NIBAN1: variants seen among roughly 807,000 people sequenced by gnomAD.
NIBAN1 encodes protein Niban 1.
Under a neutral mutation model 75.1 loss-of-function variants are expected in NIBAN1, and 81 were observed. The observed-to-expected ratio is 1.08, with a 90% CI of 0.90 to 1.30. NIBAN1 has a LOEUF of 1.30. NIBAN1 is among the 50% of genes most tolerant of loss of function. The pLI is 0.00. For synonymous variants in NIBAN1, 436 were observed against 424.8 expected, an observed-to-expected ratio of 1.03 and a Z score of -0.32; for missense variants, 1,133 against 1,128.1, an observed-to-expected ratio of 1.00 and a Z score of -0.06.
At chr1:184,955,341 CCTTTCCTTTCCTTTCCTTTTCTTTTT>C (rs1658459290) in intron 1 of NIBAN1, among the ~76,000 whole-genome samples, 1 of 147,808 alleles carries the variant, frequency 6.8e-6, no homozygotes, top group African/African-American at 2.5e-5. Flanking sequence ...CCTTTCCTTT[CCTTTCCTTTCCTTTCCTTTTCTTTTT>C]TGTTTTGTTT....
rs948167319 is a variant in NIBAN1, at chr1:184,974,293, C to T, written c.55+9G>A. The T allele has an allele frequency of 1.8e-5, 28 of 1,555,436 alleles. No homozygotes were observed. The highest frequency in any genetic ancestry group is 2.3e-5 in the Non-Finnish European group (27 of 1,158,006). Reference sequence around the variant, plus strand: ...GGTGCTCCCCAGGCCCCCGGGCGGGCGGGCGTACCTCGGATGTAAGCGCAC... The same window carrying T: ...GGTGCTCCCCAGGCCCCCGGGCGGGTGGGCGTACCTCGGATGTAAGCGCAC... On this transcript the variant is annotated intron_variant, in intron 1 of 13. Coordinates refer to ENST00000367511, the MANE Select transcript of NIBAN1 (RefSeq NM_052966.4).
At chr1:184,962,195 C>T (rs1315914578) in intron 1 of NIBAN1, among the ~76,000 whole-genome samples, 5 of 152,000 alleles carry the variant, frequency 3.3e-5, no homozygotes, top group Admixed American at 6.5e-5. Context: ...ATAAAATAAA[C>T]GTGGGGAAGA....
At chr1:184,812,776 C>T (rs556101650) in intron 9 of NIBAN1, among the ~76,000 whole-genome samples, 25 of 152,210 alleles carry the variant, frequency 1.6e-4, no homozygotes, top group Non-Finnish European at 3.2e-4. Flanking sequence ...AGCTCAGTAG[C>T]TAAGGTTTTG....
chr1:184,900,323 G>A (rs1030883035), intron 1 of NIBAN1, among the ~76,000 whole-genome samples: 2 of 152,108 alleles, frequency 1.3e-5, no homozygotes, highest in Admixed American at 1.3e-4. Flanking sequence ...CTCTGGTCTC[G>A]ATTCTGTGAG....
Position 184,865,251 on chromosome 1 carries a change from A to G in NIBAN1, c.601+19382T>C, listed in dbSNP as rs185712030. ...GGGCTGGGCAAAGAAAATGTGGTAT[A>G]TATACACAATGGGATACTACACAGC... On this transcript the variant is annotated intron_variant, in intron 5 of 13. Transcript: ENST00000367511. Among the ~76,000 whole-genome samples, 105 of 152,324 alleles carry G rather than the reference A, an allele frequency of 6.9e-4. 1 individual carries two copies. The highest frequency in any genetic ancestry group is 3.4e-3 in the Middle Eastern group (1 of 294).
chr1:184,868,114 T>A (rs1557893560), intron 5 of NIBAN1: 1 of 925,094 alleles, frequency 1.1e-6, no homozygotes, highest in Non-Finnish European at 1.3e-6. Flanking sequence ...GGTGCTTTGC[T>A]TTCATTGCTC....
intron 5 of NIBAN1, among the ~76,000 whole-genome samples, chr1:184,877,003 A>C (rs1057335948): frequency 1.1e-4 from 16 of 152,222 alleles, no homozygotes; most frequent in African/African-American, 3.6e-4. Flanking sequence ...GATATTAGTA[A>C]ACCCAATCAA....
At chr1:184,960,229 TAAG>T (rs1263639565) in intron 1 of NIBAN1, among the ~76,000 whole-genome samples, 2 of 152,190 alleles carry the variant, frequency 1.3e-5, no homozygotes, top group African/African-American at 4.8e-5. Flanking sequence ...TAAATTTAAA[TAAG>T]AATTTTAGAT....
chr1:184,832,392 C>A (rs1242675134), intron 5 of NIBAN1, among the ~76,000 whole-genome samples: 2 of 152,190 alleles, frequency 1.3e-5, no homozygotes, highest in Non-Finnish European at 2.9e-5. Flanking sequence ...TCGGTATCAG[C>A]TTTCAATACA....
intron 13 of NIBAN1, among the ~76,000 whole-genome samples, chr1:184,796,474 G>C (rs1291006136): frequency 6.6e-6 from 1 of 152,144 alleles, no homozygotes. Flanking sequence ...TGTCCACCTG[G>C]ACTGAAATCC....
intron 12 of NIBAN1, among the ~76,000 whole-genome samples, chr1:184,798,977 C>G (rs1653954233): frequency 6.6e-6 from 1 of 152,106 alleles, no homozygotes; most frequent in Non-Finnish European, 1.5e-5. Context: ...TATCTGCACT[C>G]AGGTTGATAA....
intron 5 of NIBAN1, among the ~76,000 whole-genome samples, chr1:184,883,945 G>A (rs1571545295): frequency 6.6e-6 from 1 of 152,318 alleles, no homozygotes; most frequent in East Asian, 1.9e-4. Context: ...GCATTTGCCA[G>A]GGAAAACTGG....
At chr1:184,967,829 T>C (rs2102091192) in intron 1 of NIBAN1, among the ~76,000 whole-genome samples, 1 of 152,332 alleles carries the variant, frequency 6.6e-6, no homozygotes, top group South Asian at 2.1e-4. Context: ...GGAAAGTCAC[T>C]CTTTGTTCCA....
chr1:184,934,336 G>A (rs1230254562), intron 1 of NIBAN1, among the ~76,000 whole-genome samples: 1 of 151,934 alleles, frequency 6.6e-6, no homozygotes, highest in East Asian at 1.9e-4. Flanking sequence ...AGGAAGGGAG[G>A]AGGGCAAGTG....
At chr1:184,942,980 G>A (rs1156624493) in intron 1 of NIBAN1, among the ~76,000 whole-genome samples, 27 of 152,176 alleles carry the variant, frequency 1.8e-4, no homozygotes, top group East Asian at 1.9e-4. Flanking sequence ...CATCAGTGGC[G>A]GAATGAGAGC....
chr1:184,884,720 T>A lies in NIBAN1; in HGVS notation c.514A>T (p.Arg172Ter). Residue 172 changes from arginine (R) to a stop codon, truncating the protein, a stop_gained, in exon 5 of 14, where the codon AGA becomes TGA. Transcript: ENST00000367511. LOFTEE classifies it high-confidence loss of function. ...TCGTGGAAGCAGAAGTAGCCGTGTC[T>A]GAAGAAGGGCTGCCACAGGTACACT... ...FPVYLWQPFF[R>*]HGYFCFHEAA... is the part of the protein sequence containing the mutation. The A allele has an allele frequency of 6.2e-7, 1 of 1,614,182 alleles. No individual in the cohort carries two copies. The highest frequency in any genetic ancestry group is 1.1e-5 in the South Asian group (1 of 91,088).
chr1:184,893,994 G>A (rs1656735338), intron 3 of NIBAN1, 81 bp downstream of exon 3: 1 of 1,416,732 alleles, frequency 7.1e-7, no homozygotes, highest in South Asian at 1.5e-5. Context: ...TAGCCTTGTA[G>A]GAAGGAGAGG....
intron 1 of NIBAN1, among the ~76,000 whole-genome samples, chr1:184,917,093 C>T (rs2102012954): frequency 6.6e-6 from 1 of 152,338 alleles, no homozygotes; most frequent in South Asian, 2.1e-4. Flanking sequence ...GTACAGAAAA[C>T]ACTGCTATGC....
At chr1:184,808,001 T>C in intron 10 of NIBAN1, 73 bp downstream of exon 10, 1 of 1,540,734 alleles carries the variant, frequency 6.5e-7, no homozygotes. Flanking sequence ...TAGCAGCTGG[T>C]CTCACTGGCC....
Sources: gnomAD v4.1 joint callset for allele counts (sites outside exome capture counted in the v4.1 genomes callset) on GRCh38, gnomAD v4.1.1 for gene constraint, MANE v1.5 for transcripts, NCBI Gene and HGNC (gene_info 2026-07-23, HGNC 2026-07-21) for gene names.